The following NKAIN2 variants were observed in gnomAD, a reference collection of about 807,000 sequenced individuals.
NKAIN2 encodes sodium/potassium-transporting ATPase subunit beta-1-interacting protein 2.
In NKAIN2, 14 loss-of-function variants were observed where a neutral mutation model predicts 32.6. The ratio of observed to expected loss-of-function variants is 0.43; its 90% confidence interval spans 0.28 to 0.67. NKAIN2 has a LOEUF of 0.67. Ranked by LOEUF, NKAIN2 falls within the 30% of genes least tolerant of loss-of-function variation. The pLI is 0.17. For synonymous variants in NKAIN2, 80 were observed against 87.2 expected (o/e 0.92, Z 0.46); for missense variants, 198 against 258.3 (o/e 0.77, Z 1.60).
chr6:123,911,783 A>ATATATATATGTATATATATGTATATATG (rs1775192191), intron 1 of NKAIN2, among the ~76,000 whole-genome samples: 1 of 77,920 alleles, frequency 1.3e-5, no homozygotes, highest in African/African-American at 8.8e-5. Flanking sequence ...ACATACATAC[A>ATATATATATGTATATATATGTATATATG]TATATATATA....
At chr6:124,302,513 T>A (rs1227026700) in intron 2 of NKAIN2, among the ~76,000 whole-genome samples, 4 of 152,168 alleles carry the variant, frequency 2.6e-5, no homozygotes, top group Non-Finnish European at 5.9e-5. Flanking sequence ...ATGGGTAATG[T>A]TTTTTAAATT....
intron 1 of NKAIN2, among the ~76,000 whole-genome samples, chr6:123,839,984 T>A (rs935073551): frequency 6.6e-6 from 1 of 152,162 alleles, no homozygotes; most frequent in African/African-American, 2.4e-5. Context: ...TGATTAAAAA[T>A]AAATTGATTT....
intron 2 of NKAIN2, among the ~76,000 whole-genome samples, chr6:124,333,431 G>A (rs115804064): frequency 4.6e-5 from 7 of 151,580 alleles, no homozygotes; most frequent in South Asian, 2.1e-4. Context: ...AAGCCAAAGC[G>A]GGGGGATCAC....
chr6:124,077,185 C>T (rs1783733591), intron 1 of NKAIN2, among the ~76,000 whole-genome samples: 1 of 152,194 alleles, frequency 6.6e-6, no homozygotes, highest in Admixed American at 6.5e-5. Flanking sequence ...CAGGAGCCTC[C>T]TGTATTGCTG....
At chr6:123,856,487 G>A (rs1775559192) in intron 1 of NKAIN2, among the ~76,000 whole-genome samples, 1 of 152,086 alleles carries the variant, frequency 6.6e-6, no homozygotes, top group South Asian at 2.1e-4. Flanking sequence ...GCATATAAAT[G>A]TTTCTCTTTC....
At chr6:124,152,302 A>C (rs1787766969) in intron 1 of NKAIN2, among the ~76,000 whole-genome samples, 1 of 151,976 alleles carries the variant, frequency 6.6e-6, no homozygotes, top group African/African-American at 2.4e-5. Context: ...ATTCTGTTTC[A>C]TTAGTCTAAT....
intron 3 of NKAIN2, among the ~76,000 whole-genome samples, chr6:124,436,639 C>A (rs1352733143): frequency 2.0e-5 from 3 of 152,026 alleles, no homozygotes; most frequent in African/African-American, 7.2e-5. Context: ...AGAGCAAATC[C>A]CCTTGCCTCT....
chr6:124,585,673 G>T (rs1268527706), intron 3 of NKAIN2, among the ~76,000 whole-genome samples: 1 of 152,066 alleles, frequency 6.6e-6, no homozygotes, highest in Non-Finnish European at 1.5e-5. Flanking sequence ...TGACAAATTA[G>T]CATATAAAAG....
In NKAIN2 at chr6:123,955,595, A is replaced by ATTTTC; in HGVS notation, c.54+151345_54+151346insCTTTT. On this transcript the variant is annotated intron_variant, in intron 1 of 6. Coordinates refer to ENST00000368417, the MANE Select transcript of NKAIN2 (RefSeq NM_001040214.3). ...GTGGGGCTACATTTAAACATTTTTT[A>ATTTTC]TTTTATTTTATTTTATTTTATTTTA... 1.4e-5 allele frequency among the ~76,000 whole-genome samples: 2 copies of ATTTTC among 140,660 alleles called. 1 individual carries two copies. Among genetic ancestry groups the ATTTTC allele is most frequent in the Admixed American group, 1.4e-4 (2 of 14,192 alleles). 92.3% of individuals were successfully genotyped at this position (140,660 alleles called of 152,430 possible). A position where few individuals can be genotyped will look rare whatever the true frequency, so the allele number is the denominator to read the frequency against.
In NKAIN2 at chr6:124,216,622, G is replaced by A. The variant is rs112770127; in HGVS notation, c.55-66383G>A. Among the ~76,000 whole-genome samples the A allele has an allele frequency of 4.8e-3, 725 of 152,284 alleles. 8 individuals are homozygous for A. Among genetic ancestry groups the A allele is most frequent in the African/African-American group, 0.016 (676 of 41,554 alleles). Reference sequence around the variant, plus strand: ...TTTAAACGGCCTGCAAATGTAGTGTGTAGTTTCTCAGTGCAAGAAGGCTAT... The same window carrying A: ...TTTAAACGGCCTGCAAATGTAGTGTATAGTTTCTCAGTGCAAGAAGGCTAT... On this transcript the variant is annotated intron_variant, in intron 1 of 6. Coordinates refer to ENST00000368417, the MANE Select transcript of NKAIN2 (RefSeq NM_001040214.3).
chr6:124,081,379 G>A (rs969799954), intron 1 of NKAIN2, among the ~76,000 whole-genome samples: 1 of 152,006 alleles, frequency 6.6e-6, no homozygotes, highest in Admixed American at 6.6e-5. Context: ...TATATTACTA[G>A]TTTACCAGAA....
rs1491320529 is a variant in NKAIN2 at position 124,454,106 on chromosome 6, T to TTTG, written c.273+98759_273+98760insTTG. On this transcript the variant is annotated intron_variant, in intron 3 of 6. Coordinates refer to ENST00000368417, the MANE Select transcript of NKAIN2 (RefSeq NM_001040214.3). Reference sequence around the variant, plus strand: ...TCTTTAATATGTTGGGTTTTTTTTTTGGGGGGGGGGGTTGCTGGTTTATTT... The same window carrying TTTG: ...TCTTTAATATGTTGGGTTTTTTTTTTTTGGGGGGGGGGGGTTGCTGGTTTATTT... Among the ~76,000 whole-genome samples, 445 of 60,726 alleles carry TTTG rather than the reference T, an allele frequency of 7.3e-3. 3 individuals are homozygous for TTTG. Among genetic ancestry groups the TTTG allele is most frequent in the African/African-American group, 0.019 (418 of 22,552 alleles). The allele number at this position is 60,726 out of a possible 152,430, so 39.8% of individuals were successfully genotyped here. A position where few individuals can be genotyped will look rare whatever the true frequency, so the allele number is the denominator to read the frequency against.
At chr6:124,273,960 C>A (rs2114888152) in intron 1 of NKAIN2, among the ~76,000 whole-genome samples, 1 of 152,274 alleles carries the variant, frequency 6.6e-6, no homozygotes, top group South Asian at 2.1e-4. Context: ...AGTTAGATTT[C>A]CACTGAGTAA....
chr6:124,438,764 A>G (rs1165914735), intron 3 of NKAIN2, among the ~76,000 whole-genome samples: 1 of 152,142 alleles, frequency 6.6e-6, no homozygotes, highest in African/African-American at 2.4e-5. Context: ...TACTTGCTGT[A>G]TCAGCATCAT....
intron 1 of NKAIN2, among the ~76,000 whole-genome samples, chr6:124,006,809 C>T (rs944478641): frequency 2.4e-4 from 37 of 152,228 alleles, no homozygotes; most frequent in African/African-American, 8.7e-4. Flanking sequence ...AACTCTGGCT[C>T]CCTGAAAGAA....
chr6:124,645,163 A>G (rs2114372708), intron 3 of NKAIN2, among the ~76,000 whole-genome samples: 1 of 152,316 alleles, frequency 6.6e-6, no homozygotes, highest in African/African-American at 2.4e-5. Context: ...TTGGCAAGTG[A>G]GCAGAAAGGA....
At chr6:123,847,809 A>G (rs1426580461) in intron 1 of NKAIN2, among the ~76,000 whole-genome samples, 1 of 152,164 alleles carries the variant, frequency 6.6e-6, no homozygotes, top group Non-Finnish European at 1.5e-5. Flanking sequence ...GCAGTTTATA[A>G]TTACCTAAAA....
intron 1 of NKAIN2, among the ~76,000 whole-genome samples, chr6:123,981,594 C>A (rs2114665999): frequency 6.6e-6 from 1 of 152,224 alleles, no homozygotes; most frequent in South Asian, 2.1e-4. Context: ...CCAAGCACAC[C>A]CTGCAGAATG....
chr6:124,780,591 G>C (rs1156495256), intron 4 of NKAIN2, among the ~76,000 whole-genome samples: 1 of 152,182 alleles, frequency 6.6e-6, no homozygotes, highest in African/African-American at 2.4e-5. Context: ...ACAAGTGTTG[G>C]GGCTGAAAGC....
Sources: gnomAD v4.1 joint callset for allele counts (sites outside exome capture counted in the v4.1 genomes callset) on GRCh38, gnomAD v4.1.1 for gene constraint, MANE v1.5 for transcripts, NCBI Gene and HGNC (gene_info 2026-07-23, HGNC 2026-07-21) for gene names.